Variants in ATP8A2 observed in about 807,000 individuals in gnomAD.
ATP8A2 encodes the protein ATPase phospholipid transporting 8A2.
Under a neutral mutation model 165.6 loss-of-function variants are expected in ATP8A2, and 100 were observed. The ratio of observed to expected loss-of-function variants is 0.60; its 90% CI spans 0.51 to 0.71. The LOEUF is 0.71. Among genes scored for constraint, ATP8A2 ranks in the 30% least tolerant of loss-of-function variants. ATP8A2 has a pLI of 0.00. For missense variants in ATP8A2, 1,227 were observed against 1,479.5 expected, an observed-to-expected ratio of 0.83 and a Z score of 2.80; for synonymous variants, 543 against 548.8, an observed-to-expected ratio of 0.99 and a Z score of 0.15.
At chr13:25,885,143 G>T (rs1226100545) in intron 33 of ATP8A2, among the ~76,000 whole-genome samples, 7 of 106,932 alleles carry the variant, frequency 6.5e-5, no homozygotes, top group East Asian at 2.9e-4. Flanking sequence ...GTGGAGTCTT[G>T]CTCTTGTCAC....
intron 22 of ATP8A2, among the ~76,000 whole-genome samples, 171 bp downstream of exon 22, chr13:25,580,118 A>G (rs1220527488): frequency 6.6e-6 from 1 of 152,072 alleles, no homozygotes; most frequent in African/African-American, 2.4e-5. Flanking sequence ...CTTAATTTTC[A>G]TGGTCTTTCT....
chr13:25,691,566 C>A (rs2042726435), intron 24 of ATP8A2, among the ~76,000 whole-genome samples: 1 of 152,198 alleles, frequency 6.6e-6, no homozygotes, highest in Admixed American at 6.5e-5. Flanking sequence ...GGGTACCAGA[C>A]TGGCACCTGG....
chr13:25,542,762 A>T (rs960393984), intron 9 of ATP8A2, among the ~76,000 whole-genome samples: 2 of 152,162 alleles, frequency 1.3e-5, no homozygotes, highest in Non-Finnish European at 2.9e-5. Context: ...CATTTAGCAT[A>T]CATAGCTATA....
At chr13:25,853,396 AATAT>A (rs1555278503) in intron 30 of ATP8A2, among the ~76,000 whole-genome samples, 2 of 107,868 alleles carry the variant, frequency 1.9e-5, no homozygotes, top group South Asian at 5.8e-4. Flanking sequence ...ATCTAAAAAA[AATAT>A]ATATATATAT....
rs981444586 is a variant in ATP8A2 at position 25,750,302 on chromosome 13, A to G, written c.2385-18744A>G. On this transcript the variant is annotated intron_variant, in intron 25 of 36. Coordinates refer to ENST00000381655, the MANE Select transcript of ATP8A2 (RefSeq NM_016529.6). The surrounding 1 kb of genome is among the most constrained non-coding windows in gnomAD (Gnocchi z 4.3). ...TAGAGTTTTCAGGAGACCAAATAAA[A>G]TAGTACACATCTGTGTGTAGTTACC... Among the ~76,000 whole-genome samples, 1 of 152,150 alleles carries G rather than the reference A, an allele frequency of 6.6e-6. No individual in the cohort carries two copies. The highest frequency in any genetic ancestry group is 2.4e-5 in the African/African-American group (1 of 41,430).
At chr13:26,015,540 C>CTTAATGA (rs1475192931) in intron 36 of ATP8A2, among the ~76,000 whole-genome samples, 1 of 151,996 alleles carries the variant, frequency 6.6e-6, no homozygotes, top group Non-Finnish European at 1.5e-5. Context: ...AAGATGCTAT[C>CTTAATGA]AGAGCACAGA....
At chr13:25,472,597 A>T (rs931002276) in intron 2 of ATP8A2, among the ~76,000 whole-genome samples, 1 of 152,230 alleles carries the variant, frequency 6.6e-6, no homozygotes, top group Non-Finnish European at 1.5e-5. Flanking sequence ...GAATATTTTT[A>T]TAAAAGGATA....
In ATP8A2 at chr13:25,375,436, G is replaced by C. The variant is rs568951674; in HGVS notation, c.76+3148G>C. ...GGGAGGGGAGGAGTGGGGACAGAAA[G>C]GAAGGAAGTTGTTTTCTATGGACGA... On this transcript the variant is annotated intron_variant, in intron 1 of 36. Coordinates refer to ENST00000381655, the MANE Select transcript of ATP8A2 (RefSeq NM_016529.6). Among the ~76,000 whole-genome samples, 100 of 152,254 alleles carry C rather than the reference G, an allele frequency of 6.6e-4. 1 individual carries two copies. The highest frequency in any genetic ancestry group is 2.9e-3 in the Admixed American group (44 of 15,294).
intron 35 of ATP8A2, among the ~76,000 whole-genome samples, chr13:26,004,116 ATTATT>A (rs1004187338): frequency 1.3e-5 from 2 of 152,146 alleles, no homozygotes; most frequent in African/African-American, 4.8e-5. Context: ...GTGTAGTATG[ATTATT>A]TTAACAATAG....
At chr13:25,390,965 A>G (rs2033225884) in intron 1 of ATP8A2, among the ~76,000 whole-genome samples, 1 of 151,868 alleles carries the variant, frequency 6.6e-6, no homozygotes, top group Non-Finnish European at 1.5e-5. Context: ...CACATATCTC[A>G]GTGGTTTCAT....
At chr13:25,774,686 T>C (rs1484106866) in intron 26 of ATP8A2, among the ~76,000 whole-genome samples, 163 bp from the exon 27 acceptor site, 2 of 152,222 alleles carry the variant, frequency 1.3e-5, no homozygotes, top group Non-Finnish European at 2.9e-5. Flanking sequence ...TTGTTCTCAC[T>C]GGGCCTGAAA....
At chr13:25,963,703 T>C (rs1335350506) in intron 34 of ATP8A2, among the ~76,000 whole-genome samples, 1 of 152,240 alleles carries the variant, frequency 6.6e-6, no homozygotes, top group Admixed American at 6.5e-5. Flanking sequence ...CAGAAGACTT[T>C]AGCAATAGTC....
chr13:26,011,422 C>T (rs2139353541), intron 35 of ATP8A2, among the ~76,000 whole-genome samples: 1 of 152,280 alleles, frequency 6.6e-6, no homozygotes, highest in South Asian at 2.1e-4. Flanking sequence ...TTAATTACCA[C>T]TTTAAAGGCC....
At chr13:25,941,837 CA>C (rs1168719793) in intron 33 of ATP8A2, among the ~76,000 whole-genome samples, 1 of 152,194 alleles carries the variant, frequency 6.6e-6, no homozygotes, top group Non-Finnish European at 1.5e-5. Context: ...CAAATATTAA[CA>C]TGCCATTTGC....
chr13:25,417,293 A>C (rs1206750217), intron 1 of ATP8A2, among the ~76,000 whole-genome samples: 2 of 152,072 alleles, frequency 1.3e-5, no homozygotes, highest in African/African-American at 4.8e-5. Flanking sequence ...ACAAAGCTGG[A>C]TCCTAACTAC....
At chr13:25,799,552 G>C (rs1311834640) in intron 27 of ATP8A2, among the ~76,000 whole-genome samples, 2 of 152,226 alleles carry the variant, frequency 1.3e-5, no homozygotes, top group African/African-American at 4.8e-5. Flanking sequence ...GGATCTGACA[G>C]AAGTTTGTTA....
intron 24 of ATP8A2, among the ~76,000 whole-genome samples, chr13:25,603,159 T>C (rs1477228636): frequency 1.3e-5 from 2 of 152,120 alleles, no homozygotes; most frequent in Non-Finnish European, 2.9e-5. Flanking sequence ...AATAGTCTTA[T>C]TGCTCTTTGA....
intron 27 of ATP8A2, among the ~76,000 whole-genome samples, chr13:25,785,446 A>C (rs2045000413): frequency 6.6e-6 from 1 of 152,152 alleles, no homozygotes; most frequent in Non-Finnish European, 1.5e-5. Flanking sequence ...TTTTGGCTGA[A>C]ATTCTCAAAG....
chr13:25,411,069 C>A (rs991991489), intron 1 of ATP8A2, among the ~76,000 whole-genome samples: 4 of 152,172 alleles, frequency 2.6e-5, no homozygotes, highest in Non-Finnish European at 5.9e-5. Context: ...TTCCTTTCTC[C>A]TGGAAGCAAT....
Sources: allele counts gnomAD v4.1 joint callset (sites outside exome capture counted in the v4.1 genomes callset), GRCh38; gene constraint gnomAD v4.1.1; non-coding constraint Gnocchi (gnomAD v3.1); transcripts MANE v1.5; gene names NCBI Gene and HGNC (gene_info 2026-07-23, HGNC 2026-07-21).